The following ATP11B variants were observed in gnomAD, a reference collection of about 807,000 sequenced individuals.
The protein encoded by ATP11B is ATPase phospholipid transporting 11B (putative).
A neutral mutation model predicts 157.8 loss-of-function variants in ATP11B; 81 were observed. The observed-to-expected ratio is 0.51, with a 90% CI of 0.43 to 0.62. ATP11B has a LOEUF of 0.62. Ranked by LOEUF, ATP11B falls within the 20% of genes least tolerant of loss-of-function variation. ATP11B has a pLI of 0.00. For synonymous variants in ATP11B, 451 were observed against 469.4 expected, an observed-to-expected ratio of 0.96 and a Z score of 0.51; for missense variants, 1,165 against 1,402.2, an observed-to-expected ratio of 0.83 and a Z score of 2.70.
At chr3:182,879,729 T>C in intron 20 of ATP11B, 80 bp downstream of exon 20, 1 of 1,308,262 alleles carries the variant, frequency 7.6e-7, no homozygotes, top group Middle Eastern at 2.7e-4. Flanking sequence ...CCTTACATAG[T>C]TCCATTTGGT....
At chr3:182,796,886 T>G (rs1576936899) in intron 1 of ATP11B, among the ~76,000 whole-genome samples, 4 of 152,344 alleles carry the variant, frequency 2.6e-5, no homozygotes, top group Admixed American at 2.6e-4. Flanking sequence ...ACAGTATTAC[T>G]AGGATAACTG....
intron 11 of ATP11B, 84 bp from the exon 12 acceptor site, chr3:182,859,078 A>C: frequency 1.0e-6 from 1 of 975,782 alleles, no homozygotes; most frequent in East Asian, 2.6e-5. Flanking sequence ...TGTAGGCATG[A>C]AACTTTCTGG....
rs1201750664 is a variant in ATP11B, at chr3:182,867,444, G to A, written c.1688G>A (p.Arg563Gln). The change falls in exon 15 of 30, where the codon CGG becomes CAG. Residue 563 changes from arginine to glutamine, a missense_variant and splice_region_variant. Transcript: ENST00000323116. The part of the protein sequence containing the change: ...MEVKTLGKLE[R>Q]YKLLHILEFD... ...GTTAAAACTCTTGGAAAACTGGAACGGTAATTTTTTTTCATATATTGGAAT... is the reference window on the plus strand; with the variant it reads ...GTTAAAACTCTTGGAAAACTGGAACAGTAATTTTTTTTCATATATTGGAAT... The A allele has an allele frequency of 1.9e-6, 3 of 1,597,646 alleles. No homozygotes were observed. The highest frequency in any genetic ancestry group is 1.7e-5 in the Admixed American group (1 of 59,900).
Position 182,880,991 on chromosome 3 carries a change from T to C in ATP11B, c.2509+10T>C. 1.3e-6 allele frequency: 2 copies of C among 1,566,610 alleles called. No individual in the cohort carries two copies. The highest frequency in any genetic ancestry group is 1.7e-6 in the Non-Finnish European group (2 of 1,161,444). On this transcript the variant is annotated intron_variant, in intron 21 of 29. Coordinates refer to ENST00000323116, the MANE Select transcript of ATP11B (RefSeq NM_014616.3). ...GCCCATGTTGGCATAGGTGATTGAT[T>C]CTTCCTGAAAAGTTTTTCCTGAACT...
chr3:182,891,202 A>G (rs1723151585), intron 25 of ATP11B, among the ~76,000 whole-genome samples: 1 of 152,192 alleles, frequency 6.6e-6, no homozygotes, highest in Non-Finnish European at 1.5e-5. Flanking sequence ...TGAAAACCGG[A>G]CAGAATTAAG....
chr3:182,870,393 C>T (rs1721564526), intron 17 of ATP11B, among the ~76,000 whole-genome samples: 1 of 152,144 alleles, frequency 6.6e-6, no homozygotes, highest in Non-Finnish European at 1.5e-5. Flanking sequence ...TGCTCATCTG[C>T]CTTCTTTAAC....
chr3:182,798,511 T>C (rs891733740), intron 1 of ATP11B, among the ~76,000 whole-genome samples: 1 of 152,234 alleles, frequency 6.6e-6, no homozygotes, highest in Non-Finnish European at 1.5e-5. Context: ...TTTATCTCTA[T>C]TTTCAGACAT....
intron 28 of ATP11B, among the ~76,000 whole-genome samples, chr3:182,911,631 G>C (rs2108595437): frequency 6.6e-6 from 1 of 152,152 alleles, no homozygotes; most frequent in East Asian, 1.9e-4. Context: ...CATACGTGGT[G>C]AGCACTCCAC....
intron 1 of ATP11B, among the ~76,000 whole-genome samples, chr3:182,809,185 A>G (rs1716504046): frequency 6.6e-6 from 1 of 152,056 alleles, no homozygotes; most frequent in Admixed American, 6.5e-5. Context: ...ACCATTAACA[A>G]TTAAAGACTA....
intron 21 of ATP11B, 87 bp downstream of exon 21, chr3:182,881,068 A>T: frequency 2.0e-5 from 19 of 961,134 alleles, no homozygotes; most frequent in Non-Finnish European, 2.8e-5. Context: ...TTTGTAGATT[A>T]AAGTACAGTA....
At chr3:182,803,339 C>T (rs12696497) in intron 1 of ATP11B, among the ~76,000 whole-genome samples, 108,459 of 152,088 alleles carry the variant, frequency 0.71, 39,184 homozygotes, top group Non-Finnish European at 0.78. Context: ...ATTTCATTCA[C>T]ATGAATAGAT....
At chr3:182,867,331 A>G (rs1392475675) in intron 14 of ATP11B, 45 bp from the exon 15 acceptor site, 2 of 1,073,144 alleles carry the variant, frequency 1.9e-6, no homozygotes, top group East Asian at 2.4e-5. Context: ...TGAAATATGC[A>G]GTATTATTTC....
At chr3:182,901,681 T>C (rs866302234) in intron 28 of ATP11B, among the ~76,000 whole-genome samples, 4 of 152,214 alleles carry the variant, frequency 2.6e-5, no homozygotes, top group Non-Finnish European at 4.4e-5. Context: ...CTTAATAATA[T>C]AAAAGGTGAT....
intron 1 of ATP11B, among the ~76,000 whole-genome samples, chr3:182,814,085 C>T (rs754949261): frequency 2.0e-5 from 3 of 151,676 alleles, no homozygotes; most frequent in Admixed American, 6.6e-5. Flanking sequence ...TATTTTGAGA[C>T]GAGTTTTGCT....
At chr3:182,883,513 C>T (rs964807863) in intron 21 of ATP11B, among the ~76,000 whole-genome samples, 2 of 151,786 alleles carry the variant, frequency 1.3e-5, no homozygotes, top group East Asian at 3.9e-4. Context: ...CTGCCTTGGC[C>T]TCCCAAAGTG....
chr3:182,853,575 A>G (rs947056349), intron 10 of ATP11B, among the ~76,000 whole-genome samples: 5 of 152,232 alleles, frequency 3.3e-5, no homozygotes, highest in Non-Finnish European at 7.3e-5. Context: ...CAGTAGTATC[A>G]AAAAGCGTAA....
chr3:182,814,572 T>C (rs778498351), intron 1 of ATP11B, among the ~76,000 whole-genome samples: 8 of 151,766 alleles, frequency 5.3e-5, no homozygotes, highest in Non-Finnish European at 8.8e-5. Flanking sequence ...CTTTGGGAGA[T>C]TGAGGAAGGA....
At chr3:182,827,540 T>TA (rs1324042953) in intron 2 of ATP11B, among the ~76,000 whole-genome samples, 1 of 152,002 alleles carries the variant, frequency 6.6e-6, no homozygotes, top group Non-Finnish European at 1.5e-5. Flanking sequence ...TATACTATCT[T>TA]ACCTTTTAAA....
chr3:182,869,160 T>C lies in ATP11B; in HGVS notation c.1762+9T>C. ...TGTTCAGGCACCTTCAGGTAACCAATCTAAACTTTCATGAATTTTTATTTA... is the reference window on the plus strand; with the variant it reads ...TGTTCAGGCACCTTCAGGTAACCAACCTAAACTTTCATGAATTTTTATTTA... On this transcript the variant is annotated intron_variant, in intron 16 of 29. Coordinates refer to ENST00000323116, the MANE Select transcript of ATP11B (RefSeq NM_014616.3). 1 of 1,606,226 alleles carries C rather than the reference T, an allele frequency of 6.2e-7. No homozygotes were observed. Among genetic ancestry groups the C allele is most frequent in the South Asian group, 1.1e-5 (1 of 89,304 alleles).
Sources: allele counts gnomAD v4.1 joint callset (sites outside exome capture counted in the v4.1 genomes callset), GRCh38; gene constraint gnomAD v4.1.1; transcripts MANE v1.5; gene names NCBI Gene and HGNC (gene_info 2026-07-23, HGNC 2026-07-21).